NRXN2: variants seen among roughly 807,000 people sequenced by gnomAD.
NRXN2 encodes the protein neurexin 2, also known as neurexin-2-beta.
In NRXN2, 29 loss-of-function variants were observed where a neutral mutation model predicts 128.8. The ratio of observed to expected loss-of-function variants is 0.23; its 90% confidence interval spans 0.17 to 0.31. NRXN2 has a LOEUF of 0.31. NRXN2 is among the 10% of genes least tolerant of loss of function. NRXN2 has a pLI of 1.00. For synonymous variants in NRXN2, 1,098 were observed against 1,075.2 expected (o/e 1.02, Z -0.41); for missense variants, 1,881 against 2,452.6 (o/e 0.77, Z 4.92).
At chr11:64,618,162 A>G (rs564648494) in intron 22 of NRXN2, among the ~76,000 whole-genome samples, 7 of 152,274 alleles carry the variant, frequency 4.6e-5, no homozygotes, top group Non-Finnish European at 7.4e-5. Context: ...AATGCAGCCT[A>G]AAAGGGCTCA....
intron 9 of NRXN2, chr11:64,661,399 C>A: frequency 2.9e-6 from 4 of 1,389,806 alleles, no homozygotes; most frequent in Non-Finnish European, 3.7e-6. Flanking sequence ...TCTGTCCATA[C>A]CCCTCCTCCC....
At chr11:64,683,662 TC>T (rs1172676519) in intron 6 of NRXN2, among the ~76,000 whole-genome samples, 1 of 148,780 alleles carries the variant, frequency 6.7e-6, no homozygotes, top group Non-Finnish European at 1.5e-5. Flanking sequence ...TCCCCCAGAA[TC>T]CCTTTTTAAA....
At position 64,629,728 on chromosome 11, in the gene NRXN2, C is replaced by T. The variant is rs747953892; in HGVS notation, c.3757+674G>A. On this transcript the variant is annotated intron_variant, in intron 19 of 22. Transcript: ENST00000265459. ...CCGGACCTAGCACAAGCCCTGATAT[C>T]TAAGTAGGTTGTCAACAAAGGTTAT... Among the ~76,000 whole-genome samples, 5 of 152,310 alleles carry T rather than the reference C, an allele frequency of 3.3e-5. No homozygotes were observed. The East Asian group carries it at 9.7e-4, about 29-fold the overall frequency.
chr11:64,690,507 A>C, intron 4 of NRXN2, 31 bp from the exon 5 acceptor site: 1 of 1,586,316 alleles, frequency 6.3e-7, no homozygotes, highest in South Asian at 1.1e-5. Context: ...AGTCAGGCAC[A>C]GGGGGTACCG....
At chr11:64,652,193 A>C in intron 12 of NRXN2, 39 bp from the exon 13 acceptor site, 1 of 1,592,064 alleles carries the variant, frequency 6.3e-7, no homozygotes, top group South Asian at 1.1e-5. Flanking sequence ...GCACCTATAC[A>C]TGCTCATAGG....
chr11:64,715,971 GC>G (rs2057292480), intron 1 of NRXN2, among the ~76,000 whole-genome samples: 1 of 152,172 alleles, frequency 6.6e-6, no homozygotes, highest in Non-Finnish European at 1.5e-5. Flanking sequence ...AGGGAAGGGG[GC>G]TCCTCAGGCA....
intron 2 of NRXN2, among the ~76,000 whole-genome samples, chr11:64,707,262 C>T (rs1485846583): frequency 1.3e-5 from 2 of 151,938 alleles, no homozygotes; most frequent in Non-Finnish European, 2.9e-5. Context: ...TGGCGGGCGC[C>T]TGTAGTCCCA....
chr11:64,682,182 T>G (rs1307313483), intron 6 of NRXN2, among the ~76,000 whole-genome samples: 1 of 144,994 alleles, frequency 6.9e-6, no homozygotes. Context: ...CCTTGGCAGA[T>G]TCCATCCTTG....
rs117552969 is a variant in NRXN2, at chr11:64,679,671, A to G, written c.1153-2634T>C. The stretch of plus-strand genomic sequence containing the variant: ...AAGAATCAGGATTGAGAAGAAACAG[A>G]TGTGAGTTCTAACCCTTGGGCCTTC... On this transcript the variant is annotated intron_variant, in intron 6 of 22. Transcript: ENST00000265459. Among the ~76,000 whole-genome samples, 12 of 152,166 alleles carry G rather than the reference A, an allele frequency of 7.9e-5. No individual in the cohort carries two copies. The East Asian group carries it at 1.5e-3, about 20-fold the overall frequency.
intron 13 of NRXN2, 24 bp downstream of exon 13, chr11:64,652,011 C>A (rs911706183): frequency 6.2e-7 from 1 of 1,608,442 alleles, no homozygotes; most frequent in South Asian, 1.1e-5. Flanking sequence ...GATGTGTCCA[C>A]CTCCCTGGGC....
chr11:64,678,754 T>C (rs1222682037), intron 6 of NRXN2, among the ~76,000 whole-genome samples: 2 of 152,092 alleles, frequency 1.3e-5, no homozygotes, highest in South Asian at 2.1e-4. Context: ...AGGGACATTA[T>C]TGCTTGATGC....
intron 7 of NRXN2, chr11:64,676,654 CG>C (rs1434150105): frequency 5.5e-6 from 2 of 366,006 alleles, no homozygotes; most frequent in Non-Finnish European, 9.8e-6. Flanking sequence ...AGCCTGGCAT[CG>C]GGGCTGGTCT....
intron 17 of NRXN2, chr11:64,637,454 CGGTA>C (rs1290496363): frequency 1.3e-5 from 2 of 152,308 alleles, no homozygotes; most frequent in Non-Finnish European, 2.9e-5. Context: ...AGGCCTCAGC[CGGTA>C]ACGGTCTCTC....
rs1401585159 is a variant in NRXN2 at position 64,668,533 on chromosome 11, A to T, written c.1269T>A (p.Ser423=). The T allele has an allele frequency of 6.2e-7, 1 of 1,614,138 alleles. No homozygotes were observed. Among genetic ancestry groups the T allele is most frequent in the South Asian group, 1.1e-5 (1 of 91,086 alleles). Residue 423 remains serine, a synonymous_variant, in exon 8 of 23, where the codon TCT becomes TCA. Coordinates refer to ENST00000265459, the MANE Select transcript of NRXN2 (RefSeq NM_015080.4). The part of the protein sequence containing the change: ...YTQEDYTMLG[S]DDFFYIGGSP... ...TGCCCCCAATGTAGAAGAAGTCATC[A>T]GAGCCCAGCATGGTGTAATCCTCCT...
Position 64,713,801 on chromosome 11 carries a change from C to T in NRXN2, c.-102G>A. 3.0e-6 allele frequency: 2 copies of T among 664,146 alleles called. No individual in the cohort carries two copies. Among genetic ancestry groups the T allele is most frequent in the Non-Finnish European group, 1.9e-6 (1 of 532,600 alleles). The allele number at this position is 664,146 out of a possible 1,614,324, so 41.1% of individuals were successfully genotyped here. A position where few individuals can be genotyped will look rare whatever the true frequency, so the allele number is the denominator to read the frequency against. ...GGGGCCGGGCGCTCCCCGCGCTGAG[C>T]GGGGCTCCCTTGCAGGCTCACAGTG... On this transcript the variant is annotated 5_prime_UTR_variant, in exon 2 of 23. Coordinates refer to ENST00000265459, the MANE Select transcript of NRXN2 (RefSeq NM_015080.4).
chr11:64,718,302 C>T (rs780296649), intron 1 of NRXN2, among the ~76,000 whole-genome samples: 1 of 152,204 alleles, frequency 6.6e-6, no homozygotes, highest in Non-Finnish European at 1.5e-5. Flanking sequence ...CACAAACACA[C>T]GCCCATACAC....
chr11:64,655,244 C>A (rs2048088818), intron 11 of NRXN2, among the ~76,000 whole-genome samples: 2 of 152,264 alleles, frequency 1.3e-5, no homozygotes, highest in Admixed American at 6.5e-5. Context: ...TGGAGGCGAG[C>A]AGCCAGGACC....
At chr11:64,628,220 T>A (rs775553980) in intron 19 of NRXN2, among the ~76,000 whole-genome samples, 9 of 152,210 alleles carry the variant, frequency 5.9e-5, no homozygotes, top group Non-Finnish European at 1.2e-4. Context: ...GAGGTAGGTA[T>A]CATCACCTTT....
At chr11:64,661,283 G>T in intron 9 of NRXN2, 144 bp from the exon 10 acceptor site, 1 of 1,530,484 alleles carries the variant, frequency 6.5e-7, no homozygotes, top group Non-Finnish European at 8.7e-7. Context: ...AGCAGTCCTG[G>T]GCTGGAAGCT....
Sources: gnomAD v4.1 joint callset for allele counts (sites outside exome capture counted in the v4.1 genomes callset) on GRCh38, gnomAD v4.1.1 for gene constraint, MANE v1.5 for transcripts, NCBI Gene and HGNC (gene_info 2026-07-23, HGNC 2026-07-21) for gene names.